The following SP4 variants were observed in gnomAD, a reference collection of about 807,000 sequenced individuals.
The protein encoded by SP4 is transcription factor Sp4.
Under a neutral mutation model 72.8 loss-of-function variants are expected in SP4, and 19 were observed. The observed-to-expected ratio is 0.26, with a 90% CI of 0.18 to 0.38. The LOEUF (loss-of-function observed/expected upper bound fraction) is 0.38. Ranked by LOEUF, SP4 falls within the 10% of genes least tolerant of loss-of-function variation. The probability of loss-of-function intolerance (pLI) is 1.00; values close to 1 mark genes in which losing one functional copy is unlikely to be tolerated. For missense variants in SP4, 1,008 were observed against 926.3 expected (o/e 1.09, Z -1.14); for synonymous variants, 395 against 333.1 (o/e 1.19, Z -2.02).
intron 5 of SP4, among the ~76,000 whole-genome samples, chr7:21,489,051 T>A (rs549515331): frequency 9.2e-5 from 14 of 152,092 alleles, no homozygotes; most frequent in Non-Finnish European, 1.6e-4. Context: ...TAAGAAAAAA[T>A]CCTTTTCAAA....
intron 3 of SP4, among the ~76,000 whole-genome samples, chr7:21,456,385 G>A (rs375250965): frequency 1.3e-5 from 2 of 152,162 alleles, no homozygotes; most frequent in Non-Finnish European, 2.9e-5. Flanking sequence ...CCAGGGTTCC[G>A]ATTAGTGTTT....
rs376902384 is a variant in SP4, at chr7:21,430,056, G to A, written c.891G>A (p.Gly297=). The change falls in exon 3 of 6, where the codon GGG becomes GGA. Residue 297 remains glycine, a synonymous_variant. Coordinates refer to ENST00000222584, the MANE Select transcript of SP4 (RefSeq NM_003112.5). ...AATADSGTSN[G]NQLVSTPTNT... Reference sequence around the variant, plus strand: ...CTGCTGATAGTGGGACTTCCAATGGGAATCAATTAGTTTCCACACCCACCA... The same window carrying A: ...CTGCTGATAGTGGGACTTCCAATGGAAATCAATTAGTTTCCACACCCACCA... 1.1e-4 allele frequency: 174 copies of A among 1,614,090 alleles called. No homozygotes were observed. The highest frequency in any genetic ancestry group is 6.6e-4 in the Middle Eastern group (4 of 6,062).
intron 5 of SP4, among the ~76,000 whole-genome samples, chr7:21,498,282 A>T (rs1277957015): frequency 1.3e-5 from 2 of 152,170 alleles, no homozygotes; most frequent in East Asian, 1.9e-4. Flanking sequence ...ATATGGGAGG[A>T]TGTGTGTAGG....
At position 21,482,065 on chromosome 7, in the gene SP4, T is replaced by C. The variant is rs974003306; in HGVS notation, c.2049T>C (p.Phe683=). Residue 683 remains phenylalanine (F), a synonymous_variant, in exon 5 of 6, where the codon TTT becomes TTC. Transcript: ENST00000222584. ...GACCTTTTATATGCAACTGGATGTT[T>C]TGTGGCAAAAGATTCACACGGAGTG... ...GERPFICNWM[F]CGKRFTRSDE... The C allele has an allele frequency of 6.2e-7, 1 of 1,614,110 alleles. No homozygotes were observed. Among genetic ancestry groups the C allele is most frequent in the Non-Finnish European group, 8.5e-7 (1 of 1,179,958 alleles).
intron 3 of SP4, among the ~76,000 whole-genome samples, chr7:21,451,267 T>G (rs974410653): frequency 6.6e-6 from 1 of 152,226 alleles, no homozygotes; most frequent in African/African-American, 2.4e-5. Flanking sequence ...AGCTGCTGAT[T>G]GCCAGCTTCA....
At chr7:21,506,387 A>G (rs1267973495) in intron 5 of SP4, among the ~76,000 whole-genome samples, 1 of 152,064 alleles carries the variant, frequency 6.6e-6, no homozygotes, top group Non-Finnish European at 1.5e-5. Flanking sequence ...GAGGGGTATC[A>G]CCTTTTCTTT....
Position 21,514,728 on chromosome 7 carries a change from G to A in SP4, c.*3459G>A, listed in dbSNP as rs1181491456. 1 of 152,122 alleles carries A rather than the reference G, an allele frequency of 6.6e-6. No homozygotes were observed. The highest frequency in any genetic ancestry group is 1.5e-5 in the Non-Finnish European group (1 of 68,006). 9.4% of individuals were successfully genotyped at this position (152,122 alleles called of 1,614,324 possible). A position where few individuals can be genotyped will look rare whatever the true frequency, so the allele number is the denominator to read the frequency against. On this transcript the variant is annotated 3_prime_UTR_variant, in exon 6 of 6. Coordinates refer to ENST00000222584, the MANE Select transcript of SP4 (RefSeq NM_003112.5). ...CAAGTTGTTGCCTGCAATAACAATTGCAAGTAACCTATTAAAAATTCCCTT... is the reference window on the plus strand; with the variant it reads ...CAAGTTGTTGCCTGCAATAACAATTACAAGTAACCTATTAAAAATTCCCTT...
intron 5 of SP4, among the ~76,000 whole-genome samples, chr7:21,498,364 G>A (rs1781777746): frequency 6.6e-6 from 1 of 152,130 alleles, no homozygotes; most frequent in Non-Finnish European, 1.5e-5. Flanking sequence ...GATCTACGGG[G>A]TCCTGGGACC....
rs1402459030 is a variant in SP4 at position 21,430,759 on chromosome 7, A to T, written c.1594A>T (p.Asn532Tyr). Residue 532 changes from asparagine to tyrosine, a missense_variant, in exon 3 of 6, where the codon AAC (asparagine) becomes TAC (tyrosine). Coordinates refer to ENST00000222584, the MANE Select transcript of SP4 (RefSeq NM_003112.5). Reference sequence around the variant, plus strand: ...TACTGCCCAGCTTGCATCAGTGCCTAACCTTCAGACAGTGAGCGTTGCCAA... The same window carrying T: ...TACTGCCCAGCTTGCATCAGTGCCTTACCTTCAGACAGTGAGCGTTGCCAA... ...LNTAQLASVP[N>Y]LQTVSVANLG... 1.6e-5 allele frequency: 26 copies of T among 1,614,174 alleles called. No homozygotes were observed. The highest frequency in any genetic ancestry group is 2.2e-5 in the Non-Finnish European group (26 of 1,180,024).
At chr7:21,440,461 G>C (rs1418560642) in intron 3 of SP4, among the ~76,000 whole-genome samples, 1 of 152,120 alleles carries the variant, frequency 6.6e-6, no homozygotes, top group Non-Finnish European at 1.5e-5. Flanking sequence ...AGAGGTAAAC[G>C]AGAAATTTGT....
chr7:21,449,233 G>A (rs537374821), intron 3 of SP4, among the ~76,000 whole-genome samples: 1 of 152,282 alleles, frequency 6.6e-6, no homozygotes, highest in African/African-American at 2.4e-5. Context: ...CCTTGTGGTG[G>A]AAACCACAAT....
chr7:21,432,618 A>G (rs1291197146), intron 3 of SP4, among the ~76,000 whole-genome samples: 1 of 152,160 alleles, frequency 6.6e-6, no homozygotes, highest in Non-Finnish European at 1.5e-5. Flanking sequence ...TAAACACAGG[A>G]TCCAGTTTTT....
chr7:21,490,435 G>T (rs988637960), intron 5 of SP4, among the ~76,000 whole-genome samples: 2 of 152,162 alleles, frequency 1.3e-5, no homozygotes, highest in African/African-American at 4.8e-5. Flanking sequence ...CTGGCTAGGG[G>T]AACTAGAAAA....
chr7:21,449,141 A>G (rs2128397723), intron 3 of SP4, among the ~76,000 whole-genome samples: 1 of 152,292 alleles, frequency 6.6e-6, no homozygotes, highest in African/African-American at 2.4e-5. Context: ...CCAAACAACT[A>G]GGGACAGCCC....
intron 3 of SP4, chr7:21,471,097 C>G (rs370781685): frequency 1.5e-5 from 8 of 534,582 alleles, no homozygotes; most frequent in Non-Finnish European, 3.1e-5. Flanking sequence ...TTAGAGAAGA[C>G]AGGAGTTCAC....
At chr7:21,435,567 G>A (rs894909672) in intron 3 of SP4, among the ~76,000 whole-genome samples, 1 of 151,976 alleles carries the variant, frequency 6.6e-6, no homozygotes, top group East Asian at 1.9e-4. Context: ...TATTAATTTG[G>A]ATTTCCCTAA....
chr7:21,440,598 C>T (rs1350172217), intron 3 of SP4, among the ~76,000 whole-genome samples: 3 of 152,040 alleles, frequency 2.0e-5, no homozygotes, highest in Non-Finnish European at 2.9e-5. Flanking sequence ...ACCTGTAATC[C>T]CAGCACTTTG....
Position 21,428,771 on chromosome 7 carries a change from A to C in SP4, c.102A>C (p.Lys34Asn). Residue 34 changes from lysine (K) to asparagine (N), a missense_variant, in exon 2 of 6, where the codon AAA (lysine) becomes AAC (asparagine). Coordinates refer to ENST00000222584, the MANE Select transcript of SP4 (RefSeq NM_003112.5). ...CTGAGCCAGAGAATAACAATAAAAA[A>C]CCCAAAACCTCAGGCTCCCAGGTAA... Reference protein sequence around the residue: ...KTSEPENNNKKPKTSGSQDSQ... With the variant: ...KTSEPENNNKNPKTSGSQDSQ... 1 of 1,550,938 alleles carries C rather than the reference A, an allele frequency of 6.4e-7. No homozygotes were observed. Among genetic ancestry groups the C allele is most frequent in the Non-Finnish European group, 8.7e-7 (1 of 1,146,908 alleles).
At chr7:21,480,629 T>C (rs73060318) in intron 4 of SP4, among the ~76,000 whole-genome samples, 1 of 152,340 alleles carries the variant, frequency 6.6e-6, no homozygotes, top group Non-Finnish European at 1.5e-5. Context: ...TTGGTCAGTC[T>C]AGCTAAAAGT....
Sources: gnomAD v4.1 joint callset for allele counts (sites outside exome capture counted in the v4.1 genomes callset) on GRCh38, gnomAD v4.1.1 for gene constraint, MANE v1.5 for transcripts, NCBI Gene and HGNC (gene_info 2026-07-23, HGNC 2026-07-21) for gene names.